PPP1CA: variants seen among roughly 807,000 people sequenced by gnomAD.
The protein encoded by PPP1CA is protein phosphatase 1 catalytic subunit alpha, also known as serine/threonine-protein phosphatase PP1-alpha catalytic subunit.
PPP1CA carries 14 observed loss-of-function variants against 38.5 expected under a neutral mutation model. The ratio of observed to expected loss-of-function variants is 0.36; its 90% CI spans 0.24 to 0.57. The LOEUF is 0.57. Ranked by LOEUF, PPP1CA falls within the 20% of genes least tolerant of loss-of-function variation. The pLI is 0.80. For synonymous variants in PPP1CA, 200 were observed against 177.3 expected (o/e 1.13, Z -1.02); for missense variants, 277 against 435.2 (o/e 0.64, Z 3.23).
In PPP1CA at chr11:67,399,053, C is replaced by A. The variant is rs1367068828; in HGVS notation, c.634G>T (p.Asp212Tyr). Reference protein sequence around the residue: ...CDLLWSDPDKDVQGWGENDRG... With the variant: ...CDLLWSDPDKYVQGWGENDRG... ...TCGTTCTCGCCCCAGCCCTGCACGT[C>A]CTTGTCAGGGTCAGACCACAGCAGG... The change falls in exon 5 of 7, where the codon GAC becomes TAC. Residue 212 changes from aspartate to tyrosine, a missense_variant. Physicochemically the swap from Asp to Tyr is radical, Grantham distance 160. Around this residue, in one of 3 missense-constraint regions of PPP1CA, gnomAD observed 180 missense variants for 356.7 expected, o/e 0.50. Coordinates refer to ENST00000376745, the MANE Select transcript of PPP1CA (RefSeq NM_002708.4). The A allele has an allele frequency of 6.2e-7, 1 of 1,613,538 alleles. No individual in the cohort carries two copies. Among genetic ancestry groups the A allele is most frequent in the Non-Finnish European group, 8.5e-7 (1 of 1,180,034 alleles).
In PPP1CA at chr11:67,398,578, C is replaced by T. The variant is rs1267409256; in HGVS notation, c.950G>A (p.Arg317Gln). 15 of 1,613,914 alleles carry T rather than the reference C, an allele frequency of 9.3e-6. No individual in the cohort carries two copies. The highest frequency in any genetic ancestry group is 1.1e-5 in the Non-Finnish European group (13 of 1,180,004). ...GGAATTGCGGGGTGGGGTGATGGGT[C>T]GGCCTCCAGGGTTCAGGCCACTGAA... ...GQFSGLNPGG[R>Q]PITPPRNSAK... The change falls in exon 7 of 7, where the codon CGA (arginine) becomes CAA (glutamine). Residue 317 changes from arginine (R) to glutamine (Q), a missense_variant. Around this residue, in one of 3 missense-constraint regions of PPP1CA, gnomAD observed 53 missense variants for 51.1 expected, o/e 1.04. Coordinates refer to ENST00000376745, the MANE Select transcript of PPP1CA (RefSeq NM_002708.4).
chr11:67,399,429 T>C, intron 4 of PPP1CA, 132 bp downstream of exon 4: 7 of 815,080 alleles, frequency 8.6e-6, no homozygotes, highest in Non-Finnish European at 1.4e-5. Flanking sequence ...AGGAAGTGAG[T>C]GCAGCCCAGC....
chr11:67,398,865 G>T lies in PPP1CA; in HGVS notation c.748-9C>A. 13 of 1,612,466 alleles carry T rather than the reference G, an allele frequency of 8.1e-6. No homozygotes were observed. The highest frequency in any genetic ancestry group is 1.1e-5 in the Non-Finnish European group (13 of 1,179,986). On this transcript the variant is annotated splice_polypyrimidine_tract_variant and intron_variant, in intron 5 of 6. Transcript: ENST00000376745. Reference sequence around the variant, plus strand: ...TAGCCGTCTTCTACCACCTGGGCGAGGATGGGAGCAGTCAGTCCCGAGCGC... The same window carrying T: ...TAGCCGTCTTCTACCACCTGGGCGATGATGGGAGCAGTCAGTCCCGAGCGC...
At position 67,399,599 on chromosome 11, in the gene PPP1CA, G is replaced by A. The variant is rs1862834342; in HGVS notation, c.485C>T (p.Ala162Val). Reference protein sequence around the residue: ...FTDCFNCLPIAAIVDEKIFCC... With the variant: ...FTDCFNCLPIVAIVDEKIFCC... ...GAAGATCTTTTCGTCCACTATGGCCGCGATGGGCAGGCAGTTGAAGCAGTC... is the reference window on the plus strand; with the variant it reads ...GAAGATCTTTTCGTCCACTATGGCCACGATGGGCAGGCAGTTGAAGCAGTC... The change falls in exon 4 of 7, where the codon GCG becomes GTG. Residue 162 changes from alanine (A) to valine (V), a missense_variant. Coordinates refer to ENST00000376745, the MANE Select transcript of PPP1CA (RefSeq NM_002708.4). The A allele has an allele frequency of 1.2e-5, 19 of 1,614,100 alleles. No individual in the cohort carries two copies. The highest frequency in any genetic ancestry group is 1.5e-5 in the Non-Finnish European group (18 of 1,179,984).
rs564384036 is a variant in PPP1CA, at chr11:67,401,564, C to G, written c.55+164G>C. The stretch of plus-strand genomic sequence containing the variant: ...CTGCTCCGCGCGTCGGAGCTGGCCC[C>G]GGACCTCTCAGGCGCGTCCGCGGGG... On this transcript the variant is annotated intron_variant, in intron 1 of 6. Transcript: ENST00000376745. 89 of 618,492 alleles carry G rather than the reference C, an allele frequency of 1.4e-4. No homozygotes were observed. The African/African-American group carries it at 1.5e-3, about 11-fold the overall frequency. The allele number at this position is 618,492 out of a possible 1,614,324, so 38.3% of individuals were successfully genotyped here. A position where few individuals can be genotyped will look rare whatever the true frequency, so the allele number is the denominator to read the frequency against.
chr11:67,398,483 T>C lies in PPP1CA; in HGVS notation c.*52A>G, dbSNP rs184509912. 1.9e-6 allele frequency: 3 copies of C among 1,564,230 alleles called. No individual in the cohort carries two copies. In the East Asian group the frequency reaches 6.8e-5, roughly 35 times the overall value. On this transcript the variant is annotated 3_prime_UTR_variant, in exon 7 of 7. Coordinates refer to ENST00000376745, the MANE Select transcript of PPP1CA (RefSeq NM_002708.4). The stretch of plus-strand genomic sequence containing the variant: ...GTGACCCCCCCCCAGCATGGCAGCA[T>C]GATTTCTGTACAATCAATCCATCAT...
chr11:67,398,920 G>C lies in PPP1CA; in HGVS notation c.747+20C>G. On this transcript the variant is annotated intron_variant, in intron 5 of 6. Transcript: ENST00000376745. Reference sequence around the variant, plus strand: ...ACGGCCCTCCCCTTCCCCTGCCGCAGGCCGGAGCCACCAGCCCACCTGGTG... The same window carrying C: ...ACGGCCCTCCCCTTCCCCTGCCGCACGCCGGAGCCACCAGCCCACCTGGTG... 6.2e-7 allele frequency: 1 copy of C among 1,612,686 alleles called. No individual in the cohort carries two copies. Among genetic ancestry groups the C allele is most frequent in the Non-Finnish European group, 8.5e-7 (1 of 1,179,890 alleles).
At position 67,401,825 on chromosome 11, in the gene PPP1CA, TGCCTCCC is replaced by T; in HGVS notation, c.-50_-44del. 7.3e-7 allele frequency: 1 copy of T among 1,373,040 alleles called. No homozygotes were observed. Among genetic ancestry groups the T allele is most frequent in the Non-Finnish European group, 9.5e-7 (1 of 1,051,454 alleles). The allele number at this position is 1,373,040 out of a possible 1,614,324, so 85.1% of individuals were successfully genotyped here. ...AGCCCAGCAGCTCCTGGCCCGCTCC[TGCCTCCC>T]GCCCTCCGGCAGCCTCCTTCCGGCC... is the stretch of plus-strand genomic sequence containing the variant. On this transcript the variant is annotated 5_prime_UTR_variant, in exon 1 of 7. Transcript: ENST00000376745.
Position 67,399,173 on chromosome 11 carries a change from C to G in PPP1CA, c.524-10G>C. The G allele has an allele frequency of 6.2e-7, 1 of 1,608,826 alleles. No individual in the cohort carries two copies. The highest frequency in any genetic ancestry group is 8.5e-7 in the Non-Finnish European group (1 of 1,176,406). ...AGGTCCGGGGACAGGCCTGGGGGGC[C>G]GGGGGAAGGTCACTTCCTCAAACAA... is the stretch of plus-strand genomic sequence containing the variant. On this transcript the variant is annotated splice_polypyrimidine_tract_variant and intron_variant, in intron 4 of 6. Coordinates refer to ENST00000376745, the MANE Select transcript of PPP1CA (RefSeq NM_002708.4).
rs780573465 is a variant in PPP1CA at position 67,398,931 on chromosome 11, C to T, written c.747+9G>A. 1.9e-6 allele frequency: 3 copies of T among 1,613,122 alleles called. No individual in the cohort carries two copies. The South Asian group carries it at 3.3e-5, about 18-fold the overall frequency. On this transcript the variant is annotated intron_variant, in intron 5 of 6. Transcript: ENST00000376745. Reference sequence around the variant, plus strand: ...CTTCCCCTGCCGCAGGCCGGAGCCACCAGCCCACCTGGTGTGCTCGGCAGA... The same window carrying T: ...CTTCCCCTGCCGCAGGCCGGAGCCATCAGCCCACCTGGTGTGCTCGGCAGA...
chr11:67,401,143 G>C lies in PPP1CA; in HGVS notation c.112C>G (p.Leu38Val). ...AAAATCTCCCGGGATTTCAGGCACA[G>C]ACCGCGGATCTCGTTCTCTGTCAGC... ...VQLTENEIRG[L>V]CLKSREIFLS... Residue 38 changes from leucine to valine, a missense_variant, in exon 2 of 7, where the codon CTG becomes GTG. Physicochemically the swap from Leu to Val is conservative, Grantham distance 32. This residue lies in a region of PPP1CA where 180 missense variants were observed against 356.7 expected (regional missense o/e 0.50). Transcript: ENST00000376745. 1 of 1,614,020 alleles carries C rather than the reference G, an allele frequency of 6.2e-7. No individual in the cohort carries two copies. The highest frequency in any genetic ancestry group is 8.5e-7 in the Non-Finnish European group (1 of 1,180,014).
chr11:67,398,403 G>T lies in PPP1CA; in HGVS notation c.*132C>A. 1 of 919,090 alleles carries T rather than the reference G, an allele frequency of 1.1e-6. No individual in the cohort carries two copies. The highest frequency in any genetic ancestry group is 1.6e-6 in the Non-Finnish European group (1 of 617,700). The allele number at this position is 919,090 out of a possible 1,614,324, so 56.9% of individuals were successfully genotyped here. ...CTATTGATTCATTAAAAAAAGAAAA[G>T]AAAAATACACCAAGGCTCCATGTTC... On this transcript the variant is annotated 3_prime_UTR_variant, in exon 7 of 7. Coordinates refer to ENST00000376745, the MANE Select transcript of PPP1CA (RefSeq NM_002708.4).
In PPP1CA at chr11:67,399,181, G is replaced by C. The variant is rs201018561; in HGVS notation, c.524-18C>G. 26 of 1,604,606 alleles carry C rather than the reference G, an allele frequency of 1.6e-5. No homozygotes were observed. In the Admixed American group the frequency reaches 2.8e-4, roughly 18 times the overall value. ...GGACAGGCCTGGGGGGCCGGGGGAA[G>C]GTCACTTCCTCAAACAAGGACATCC... On this transcript the variant is annotated intron_variant, in intron 4 of 6. Transcript: ENST00000376745.
At chr11:67,400,447 T>C (rs1258626701) in intron 3 of PPP1CA, among the ~76,000 whole-genome samples, 1 of 151,728 alleles carries the variant, frequency 6.6e-6, no homozygotes, top group African/African-American at 2.4e-5. Context: ...GTAGGGGGAG[T>C]GTCACCAGGC....
chr11:67,399,186 C>G, intron 4 of PPP1CA, 23 bp from the exon 5 acceptor site: 1 of 1,600,134 alleles, frequency 6.2e-7, no homozygotes, highest in Non-Finnish European at 8.6e-7. Context: ...GGGAAGGTCA[C>G]TTCCTCAAAC....
In PPP1CA at chr11:67,398,519, G is replaced by A; in HGVS notation, c.*16C>T. The A allele has an allele frequency of 1.9e-6, 3 of 1,608,942 alleles. No individual in the cohort carries two copies. The highest frequency in any genetic ancestry group is 2.6e-6 in the Non-Finnish European group (3 of 1,175,942). On this transcript the variant is annotated 3_prime_UTR_variant, in exon 7 of 7. Transcript: ENST00000376745. ...CAATCAATCCATCATCTGGGGCACA[G>A]GGTGGTGTGCGGGGGCTATTTCTTG...
Position 67,399,010 on chromosome 11 carries a change from G to A in PPP1CA, c.677C>T (p.Thr226Ile). The change falls in exon 5 of 7, where the codon ACC (threonine) becomes ATC (isoleucine). Residue 226 changes from threonine (T) to isoleucine (I), a missense_variant. Coordinates refer to ENST00000376745, the MANE Select transcript of PPP1CA (RefSeq NM_002708.4). The stretch of plus-strand genomic sequence containing the variant: ...CTTGGCCACCACCTCGGCTCCAAAG[G>A]TAAAAGAGACGCCACGGTCGTTCTC... ...WGENDRGVSF[T>I]FGAEVVAKFL... is the part of the protein sequence containing the mutation. 6.2e-7 allele frequency: 1 copy of A among 1,613,492 alleles called. No individual in the cohort carries two copies. Among genetic ancestry groups the A allele is most frequent in the Non-Finnish European group, 8.5e-7 (1 of 1,180,024 alleles).
In PPP1CA at chr11:67,401,733, A is replaced by G; in HGVS notation, c.50T>C (p.Leu17Pro). ...LNLDSIIGRL[L>P]EVQGSRPGKN... The stretch of plus-strand genomic sequence containing the variant: ...CCTCCCCCGCCCCGACCAACCTTCC[A>G]GCAGGCGCCCGATGATCGAGTCCAG... Residue 17 changes from leucine (L) to proline (P), a missense_variant, in exon 1 of 7, where the codon CTG (leucine) becomes CCG (proline). Around this residue, in one of 3 missense-constraint regions of PPP1CA, gnomAD observed 44 missense variants for 27.4 expected, o/e 1.60. Coordinates refer to ENST00000376745, the MANE Select transcript of PPP1CA (RefSeq NM_002708.4). 6.8e-7 allele frequency: 1 copy of G among 1,466,816 alleles called. No homozygotes were observed. Among genetic ancestry groups the G allele is most frequent in the Non-Finnish European group, 9.1e-7 (1 of 1,099,414 alleles). 90.9% of individuals were successfully genotyped at this position (1,466,816 alleles called of 1,614,324 possible).
Position 67,399,018 on chromosome 11 carries a change from G to A in PPP1CA, c.669C>T (p.Val223=). 1 of 1,613,546 alleles carries A rather than the reference G, an allele frequency of 6.2e-7. No individual in the cohort carries two copies. Among genetic ancestry groups the A allele is most frequent in the Non-Finnish European group, 8.5e-7 (1 of 1,180,024 alleles). ...VQGWGENDRG[V]SFTFGAEVVA... ...CCACCTCGGCTCCAAAGGTAAAAGA[G>A]ACGCCACGGTCGTTCTCGCCCCAGC... The change falls in exon 5 of 7, where the codon GTC becomes GTT. Residue 223 remains valine, a synonymous_variant. Transcript: ENST00000376745.
Sources: allele counts gnomAD v4.1 joint callset (sites outside exome capture counted in the v4.1 genomes callset), GRCh38; gene constraint gnomAD v4.1.1; regional missense constraint gnomAD v4.1.1; transcripts MANE v1.5; gene names NCBI Gene and HGNC (gene_info 2026-07-23, HGNC 2026-07-21).